Variants in RBFOX3 observed in about 807,000 individuals in gnomAD.
RBFOX3 encodes RNA binding protein fox-1 homolog 3.
In RBFOX3, 17 loss-of-function variants were observed where a neutral mutation model predicts 48.7. That is an observed-to-expected ratio of 0.35 (90% CI 0.24 to 0.52). The LOEUF is 0.52. Ranked by LOEUF, RBFOX3 falls within the 20% of genes least tolerant of loss-of-function variation. The pLI is 0.94. For synonymous variants in RBFOX3, 212 were observed against 209.5 expected, an observed-to-expected ratio of 1.01 and a Z score of -0.10; for missense variants, 382 against 497.5, an observed-to-expected ratio of 0.77 and a Z score of 2.21.
intron 2 of RBFOX3, among the ~76,000 whole-genome samples, chr17:79,343,972 A>G (rs1490173304): frequency 1.3e-5 from 2 of 152,180 alleles, no homozygotes; most frequent in African/African-American, 4.8e-5. Context: ...CTCCAGAGAG[A>G]TCCCACTCAA....
Position 79,443,252 on chromosome 17 carries a change from GGT to G in RBFOX3, c.-175+39200_-175+39201del, listed in dbSNP as rs2071522232. Among the ~76,000 whole-genome samples the G allele has an allele frequency of 1.3e-5, 2 of 152,244 alleles. No homozygotes were observed. The highest frequency in any genetic ancestry group is 4.8e-5 in the African/African-American group (2 of 41,460). ...TCCCCTCTGCCCCAACAAGCTGCTA[GGT>G]GTGTGTCACCAGGCCTCTGCCACCG... On this transcript the variant is annotated intron_variant, in intron 2 of 14. Transcript: ENST00000693108. This position sits in a 1 kb window ranked among gnomAD's most constrained non-coding sequence, Gnocchi z 4.4.
chr17:79,288,165 C>T (rs1160845829), intron 3 of RBFOX3, among the ~76,000 whole-genome samples: 1 of 152,152 alleles, frequency 6.6e-6, no homozygotes, highest in Admixed American at 6.5e-5. Flanking sequence ...CTCAGCCCTG[C>T]TCCCACCTGA....
intron 2 of RBFOX3, among the ~76,000 whole-genome samples, chr17:79,417,269 C>G (rs1320979216): frequency 1.3e-5 from 2 of 152,218 alleles, no homozygotes; most frequent in Admixed American, 1.3e-4. Context: ...TCCCAAAACC[C>G]CTGGTCAGAG....
chr17:79,546,357 GC>G (rs2090433576), intron 1 of RBFOX3, among the ~76,000 whole-genome samples: 1 of 152,130 alleles, frequency 6.6e-6, no homozygotes, highest in Non-Finnish European at 1.5e-5. Context: ...CACACAAACG[GC>G]CATCAGATGA....
At chr17:79,558,498 C>T (rs2091943731) in intron 1 of RBFOX3, among the ~76,000 whole-genome samples, 1 of 152,096 alleles carries the variant, frequency 6.6e-6, no homozygotes, top group South Asian at 2.1e-4. Flanking sequence ...AAAGCAGAAA[C>T]ACCAGGGCCC....
At position 79,427,653 on chromosome 17, in the gene RBFOX3, G is replaced by GCCC. The variant is rs375265898; in HGVS notation, c.-175+54798_-175+54800dup. Reference sequence around the variant, plus strand: ...AGACCCTTGTTAGGACACAGCTAAGGCCCCCGAAGAAGGATCCTGTTGGGG... The same window carrying GCCC: ...AGACCCTTGTTAGGACACAGCTAAGGCCCCCCCCGAAGAAGGATCCTGTTGGGG... On this transcript the variant is annotated intron_variant, in intron 2 of 14. Transcript: ENST00000693108. Among the ~76,000 whole-genome samples the GCCC allele has an allele frequency of 1.2e-3, 178 of 152,322 alleles. 1 individual carries two copies. Among genetic ancestry groups the GCCC allele is most frequent in the African/African-American group, 4.1e-3 (171 of 41,574 alleles).
At chr17:79,129,319 T>A (rs1016684073) in intron 4 of RBFOX3, among the ~76,000 whole-genome samples, 1 of 152,132 alleles carries the variant, frequency 6.6e-6, no homozygotes, top group Non-Finnish European at 1.5e-5. Flanking sequence ...ACATCCAGGA[T>A]GTAGCAGACC....
the RBFOX3 span, among the ~76,000 whole-genome samples, chr17:79,653,017 G>A: frequency 6.2e-4 from 94 of 151,852 alleles, no homozygotes; most frequent in Non-Finnish European, 1.9e-4. Flanking sequence ...ATGGAAATCA[G>A]AATTTAGTGG....
rs535410884 is a variant in RBFOX3, at chr17:79,243,160, G to A, written c.-73-7355C>T. Among the ~76,000 whole-genome samples the A allele has an allele frequency of 3.1e-4, 47 of 150,814 alleles. No homozygotes were observed. Among genetic ancestry groups the A allele is most frequent in the Non-Finnish European group, 4.6e-4 (31 of 67,802 alleles). On this transcript the variant is annotated intron_variant, in intron 3 of 14. Transcript: ENST00000693108. The surrounding 1 kb of genome is among the most constrained non-coding windows in gnomAD (Gnocchi z 7.9). ...GAAGCTTGGGGAAGTGAAGCAGATT[G>A]CCCTAAATGCCACAGCTGGTAGCGG...
At chr17:79,200,546 C>T (rs559787248) in intron 4 of RBFOX3, among the ~76,000 whole-genome samples, 1 of 152,208 alleles carries the variant, frequency 6.6e-6, no homozygotes, top group Non-Finnish European at 1.5e-5. Context: ...CGAGCAGAAG[C>T]CAGGGACCCC....
In RBFOX3 at chr17:79,249,026, G is replaced by A. The variant is rs111359377; in HGVS notation, c.-73-13221C>T. The stretch of plus-strand genomic sequence containing the variant: ...CCTCCATCGGCTGGGATGCGGTGCG[G>A]TCTTCCGCCAGCGGGGCCAGAACCC... On this transcript the variant is annotated intron_variant, in intron 3 of 14. Coordinates refer to ENST00000693108, the MANE Select transcript of RBFOX3 (RefSeq NM_001350451.2). This position sits in a 1 kb window ranked among gnomAD's most constrained non-coding sequence, Gnocchi z 4.1. Among the ~76,000 whole-genome samples the A allele has an allele frequency of 0.016, 2,492 of 152,306 alleles. 73 individuals carry two copies. Among genetic ancestry groups the A allele is most frequent in the African/African-American group, 0.057 (2,375 of 41,560 alleles).
chr17:79,138,709 A>ATGCCCCT (rs76586779), intron 4 of RBFOX3, among the ~76,000 whole-genome samples: 2 of 48,266 alleles, frequency 4.1e-5, no homozygotes, highest in Non-Finnish European at 7.6e-5. Flanking sequence ...ACATGCGTTC[A>ATGCCCCT]CACCCCCTCA....
chr17:79,262,766 T>G (rs1259536789), intron 3 of RBFOX3, among the ~76,000 whole-genome samples: 1 of 152,266 alleles, frequency 6.6e-6, no homozygotes, highest in Non-Finnish European at 1.5e-5. Flanking sequence ...AGGCCAAGAC[T>G]GGTCCAATAG....
intron 1 of RBFOX3, among the ~76,000 whole-genome samples, chr17:79,546,398 T>G (rs1486736990): frequency 6.6e-6 from 1 of 152,188 alleles, no homozygotes; most frequent in Non-Finnish European, 1.5e-5. Context: ...ACTGCTGAAG[T>G]GTGGCTCTGA....
At chr17:79,519,537 A>G (rs1054878855) in intron 1 of RBFOX3, among the ~76,000 whole-genome samples, 1 of 149,786 alleles carries the variant, frequency 6.7e-6, no homozygotes, top group African/African-American at 2.4e-5. Flanking sequence ...CCTCCCCTTT[A>G]CCTGTCCTGT....
At chr17:79,441,488 C>A (rs1324982088) in intron 2 of RBFOX3, among the ~76,000 whole-genome samples, 3 of 152,168 alleles carry the variant, frequency 2.0e-5, no homozygotes, top group African/African-American at 7.2e-5. Context: ...GAAGACAGAG[C>A]AGAGATTGGA....
rs2147905095 is a variant in RBFOX3, at chr17:79,236,616, A to T, written c.-73-811T>A. On this transcript the variant is annotated intron_variant, in intron 3 of 14. Coordinates refer to ENST00000693108, the MANE Select transcript of RBFOX3 (RefSeq NM_001350451.2). ...TCTAAATCCCACCAAACACATAATTATAGAGGCAATCGTTGTATGTTATTG... is the reference window on the plus strand; with the variant it reads ...TCTAAATCCCACCAAACACATAATTTTAGAGGCAATCGTTGTATGTTATTG... Among the ~76,000 whole-genome samples the T allele has an allele frequency of 2.6e-5, 4 of 152,348 alleles. No individual in the cohort carries two copies. The East Asian group carries it at 7.7e-4, about 29-fold the overall frequency.
chr17:79,231,861 C>T (rs904233907), intron 4 of RBFOX3, among the ~76,000 whole-genome samples: 1 of 152,174 alleles, frequency 6.6e-6, no homozygotes, highest in Non-Finnish European at 1.5e-5. Flanking sequence ...TCACTGATCG[C>T]TGTATTAGTC....
intron 2 of RBFOX3, among the ~76,000 whole-genome samples, chr17:79,435,269 G>A (rs1302210705): frequency 3.9e-5 from 6 of 152,190 alleles, no homozygotes; most frequent in African/African-American, 1.4e-4. Context: ...ACCACATGGA[G>A]GTTGGAGTGT....
Sources: gnomAD v4.1 joint callset for allele counts (sites outside exome capture counted in the v4.1 genomes callset) on GRCh38, gnomAD v4.1.1 for gene constraint, Gnocchi (gnomAD v3.1) non-coding constraint, MANE v1.5 for transcripts, NCBI Gene and HGNC (gene_info 2026-07-23, HGNC 2026-07-21) for gene names.